Variants in MAST3 observed in about 807,000 individuals in gnomAD.
The protein encoded by MAST3 is microtubule associated serine/threonine kinase 3, also known as microtubule-associated serine/threonine-protein kinase 3.
In MAST3, 43 loss-of-function variants were observed where a neutral mutation model predicts 127.0. The observed-to-expected ratio is 0.34, with a 90% CI of 0.27 to 0.44. MAST3 has a LOEUF of 0.44. Among genes scored for constraint, MAST3 ranks in the 20% least tolerant of loss-of-function variants. The pLI is 1.00. For synonymous variants in MAST3, 785 were observed against 809.2 expected, an observed-to-expected ratio of 0.97 and a Z score of 0.51; for missense variants, 1,390 against 1,919.1, an observed-to-expected ratio of 0.72 and a Z score of 5.15.
chr19:18,144,036 A>G lies in MAST3; in HGVS notation c.2584+29A>G, dbSNP rs1404199858. 5.2e-6 allele frequency: 8 copies of G among 1,548,424 alleles called. No homozygotes were observed. The highest frequency in any genetic ancestry group is 5.2e-6 in the Non-Finnish European group (6 of 1,146,242). On this transcript the variant is annotated intron_variant, in intron 22 of 27. Coordinates refer to ENST00000687212, the MANE Select transcript of MAST3 (RefSeq NM_001393504.1). This position sits in a 1 kb window ranked among gnomAD's most constrained non-coding sequence, Gnocchi z 4.0. ...AGTGGGGCCCTGAGTAAGAGGGATG[A>G]TGTCATGGAAGTTTCCCAGAGGAGG...
chr19:18,109,934 G>A (rs1221210305), intron 2 of MAST3: 3 of 984,970 alleles, frequency 3.0e-6, no homozygotes, highest in Admixed American at 6.1e-5. Flanking sequence ...GGGGAGAGGC[G>A]GGGTCAGGCC....
intron 1 of MAST3, among the ~76,000 whole-genome samples, chr19:18,103,318 G>T (rs2037803338): frequency 6.6e-6 from 1 of 152,058 alleles, no homozygotes; most frequent in Admixed American, 6.6e-5. Context: ...TGGGAGGACT[G>T]CTTGAGGTCA....
chr19:18,141,532 C>G (rs942438884), intron 20 of MAST3, among the ~76,000 whole-genome samples: 1 of 151,912 alleles, frequency 6.6e-6, no homozygotes, highest in Non-Finnish European at 1.5e-5. Context: ...GCCACCACGC[C>G]CAGCTAATTT....
chr19:18,149,095 G>A lies in MAST3; in HGVS notation c.3509-96G>A. 1 of 1,285,562 alleles carries A rather than the reference G, an allele frequency of 7.8e-7. No homozygotes were observed. The highest frequency in any genetic ancestry group is 1.0e-6 in the Non-Finnish European group (1 of 978,968). 79.6% of individuals were successfully genotyped at this position (1,285,562 alleles called of 1,614,324 possible). A position where few individuals can be genotyped will look rare whatever the true frequency, so the allele number is the denominator to read the frequency against. On this transcript the variant is annotated intron_variant, in intron 27 of 27. Coordinates refer to ENST00000687212, the MANE Select transcript of MAST3 (RefSeq NM_001393504.1). This position sits in a 1 kb window ranked among gnomAD's most constrained non-coding sequence, Gnocchi z 5.9. ...GGCATGATGGGTGGCCACATGGAAGGATGTGGGCTTTAGCAGTTTTTGTCA... is the reference window on the plus strand; with the variant it reads ...GGCATGATGGGTGGCCACATGGAAGAATGTGGGCTTTAGCAGTTTTTGTCA...
intron 21 of MAST3, among the ~76,000 whole-genome samples, 157 bp from the exon 22 acceptor site, chr19:18,143,606 G>A (rs1200749342): frequency 1.3e-5 from 2 of 152,138 alleles, no homozygotes; most frequent in Non-Finnish European, 2.9e-5. Flanking sequence ...CGGTCTCCAG[G>A]TGGACAGAGA....
rs773346943 is a variant in MAST3 at position 18,145,885 on chromosome 19, C to T, written c.3162+20C>T. ...CTGAAGGTGCGGCACCCCCACTGCC[C>T]ACCCTCAGGGCTCCCCAGCACCCCT... On this transcript the variant is annotated intron_variant, in intron 25 of 27. Coordinates refer to ENST00000687212, the MANE Select transcript of MAST3 (RefSeq NM_001393504.1). This position sits in a 1 kb window ranked among gnomAD's most constrained non-coding sequence, Gnocchi z 5.9. The T allele has an allele frequency of 6.3e-7, 1 of 1,575,098 alleles. No homozygotes were observed. The highest frequency in any genetic ancestry group is 1.2e-5 in the South Asian group (1 of 85,724).
intron 19 of MAST3, 100 bp downstream of exon 19, chr19:18,137,461 G>T: frequency 1.5e-6 from 2 of 1,355,376 alleles, no homozygotes; most frequent in Non-Finnish European, 2.0e-6. Flanking sequence ...CCCGAGCTTG[G>T]CACCTCACCT....
intron 3 of MAST3, among the ~76,000 whole-genome samples, chr19:18,113,695 C>G (rs2038905908): frequency 6.6e-6 from 1 of 152,190 alleles, no homozygotes; most frequent in South Asian, 2.1e-4. Context: ...CTCCTGACTT[C>G]AGGTGATCCA....
intron 3 of MAST3, among the ~76,000 whole-genome samples, chr19:18,116,187 G>C (rs1206359331): frequency 7.3e-6 from 1 of 137,386 alleles, no homozygotes; most frequent in Non-Finnish European, 1.5e-5. Flanking sequence ...TCCACCTCCC[G>C]GGTACAAGTG....
intron 3 of MAST3, among the ~76,000 whole-genome samples, chr19:18,119,221 A>T (rs1185639918): frequency 6.6e-6 from 1 of 152,082 alleles, no homozygotes; most frequent in East Asian, 1.9e-4. Context: ...TTTCAAGAAG[A>T]CCTCGCCCAA....
chr19:18,119,035 C>T (rs1373942979), intron 3 of MAST3, among the ~76,000 whole-genome samples: 3 of 152,162 alleles, frequency 2.0e-5, no homozygotes, highest in Non-Finnish European at 4.4e-5. Context: ...CTGCTTTCTG[C>T]CACATTCTCT....
chr19:18,144,339 A>C lies in MAST3; in HGVS notation c.2585-127A>C. The C allele has an allele frequency of 1.2e-6, 1 of 826,298 alleles. No individual in the cohort carries two copies. Among genetic ancestry groups the C allele is most frequent in the Admixed American group, 2.6e-5 (1 of 38,390 alleles). 51.2% of individuals were successfully genotyped at this position (826,298 alleles called of 1,614,324 possible). ...TTGGGAAGGGAGTGCAGGAAGAGGG[A>C]ACTGCATGAGCAAAGGCCAGGAGGC... On this transcript the variant is annotated intron_variant, in intron 22 of 27. Coordinates refer to ENST00000687212, the MANE Select transcript of MAST3 (RefSeq NM_001393504.1). This position sits in a 1 kb window ranked among gnomAD's most constrained non-coding sequence, Gnocchi z 4.0.
Position 18,102,437 on chromosome 19 carries a change from C to T in MAST3, c.39+4606C>T, listed in dbSNP as rs932130216. ...CAGGTGATCTGCCTGCCTCAGCCTCCCAAAGTCCTGGGATTACAGGCATGA... is the reference window on the plus strand; with the variant it reads ...CAGGTGATCTGCCTGCCTCAGCCTCTCAAAGTCCTGGGATTACAGGCATGA... On this transcript the variant is annotated intron_variant, in intron 1 of 27. Coordinates refer to ENST00000687212, the MANE Select transcript of MAST3 (RefSeq NM_001393504.1). 1.3e-4 allele frequency among the ~76,000 whole-genome samples: 19 copies of T among 151,188 alleles called. No individual in the cohort carries two copies. The South Asian group carries it at 1.9e-3, about 15-fold the overall frequency.
intron 27 of MAST3, 63 bp downstream of exon 27, chr19:18,147,687 G>C: frequency 4.1e-6 from 5 of 1,229,744 alleles, no homozygotes; most frequent in Non-Finnish European, 5.6e-6. Flanking sequence ...GTGGGCCCCA[G>C]GAGGGAGGAA....
chr19:18,097,958 C>A, intron 1 of MAST3, 127 bp downstream of exon 1: 1 of 724,220 alleles, frequency 1.4e-6, no homozygotes, highest in Non-Finnish European at 1.9e-6. Flanking sequence ...GGGGAACGCT[C>A]AGATCGCTTC....
chr19:18,124,192 G>A (rs909329870), intron 9 of MAST3, 44 bp downstream of exon 9: 11 of 1,591,630 alleles, frequency 6.9e-6, no homozygotes, highest in Middle Eastern at 1.7e-4. Context: ...GCAGTGGGAC[G>A]TGGAGTGAGG....
chr19:18,149,467 C>A lies in MAST3; in HGVS notation c.3785C>A (p.Ala1262Asp). The A allele has an allele frequency of 6.5e-7, 1 of 1,539,748 alleles. No homozygotes were observed. The highest frequency in any genetic ancestry group is 2.5e-5 in the East Asian group (1 of 40,594). ...RSPRLRRGQS[A>D]DKLGTGERLD... The stretch of plus-strand genomic sequence containing the variant: ...CCGCGGCTGCGCCGGGGCCAGTCAG[C>A]TGACAAGCTGGGCACAGGGGAGCGG... The change falls in exon 28 of 28, where the codon GCT (alanine) becomes GAT (aspartate). Residue 1262 changes from alanine (A) to aspartate (D), a missense_variant. Coordinates refer to ENST00000687212, the MANE Select transcript of MAST3 (RefSeq NM_001393504.1). The surrounding 1 kb of genome is among the most constrained non-coding windows in gnomAD (Gnocchi z 5.9).
rs370509186 is a variant in MAST3, at chr19:18,121,887, G to A, written c.285G>A (p.Ser95=). The A allele has an allele frequency of 1.1e-5, 17 of 1,613,884 alleles. No individual in the cohort carries two copies. Among genetic ancestry groups the A allele is most frequent in the South Asian group, 5.5e-5 (5 of 91,090 alleles). The part of the protein sequence containing the change: ...SSPLDSPRNF[S]AASALNFPFA... ...CCTTGGATAGTCCTCGGAATTTCTC[G>A]GCTGCCTCTGCCCTAAATTTCCCCT... Residue 95 remains serine, a synonymous_variant, in exon 5 of 28, where the codon TCG becomes TCA. Transcript: ENST00000687212.
chr19:18,128,386 C>T lies in MAST3; in HGVS notation c.1079-14C>T. 1 of 1,544,670 alleles carries T rather than the reference C, an allele frequency of 6.5e-7. No homozygotes were observed. The highest frequency in any genetic ancestry group is 8.7e-7 in the Non-Finnish European group (1 of 1,146,420). ...CAGGGAGGCTCCAGCTGAGCCTCCT[C>T]CCTCATCTTGCAGAGATGGTGCCAC... On this transcript the variant is annotated splice_polypyrimidine_tract_variant and intron_variant, in intron 11 of 27. Coordinates refer to ENST00000687212, the MANE Select transcript of MAST3 (RefSeq NM_001393504.1).
Sources: allele counts gnomAD v4.1 joint callset (sites outside exome capture counted in the v4.1 genomes callset), GRCh38; gene constraint gnomAD v4.1.1; non-coding constraint Gnocchi (gnomAD v3.1); transcripts MANE v1.5; gene names NCBI Gene and HGNC (gene_info 2026-07-23, HGNC 2026-07-21).